The following TRPM2 variants were observed in gnomAD, a reference collection of about 807,000 sequenced individuals.
TRPM2 encodes estrogen-responsive element-associated gene 1 protein.
Under a neutral mutation model 174.0 loss-of-function variants are expected in TRPM2, and 161 were observed. That is an observed-to-expected ratio of 0.93 (90% CI 0.81 to 1.05). The LOEUF (loss-of-function observed/expected upper bound fraction) is 1.05. TRPM2 is among the 50% of genes least tolerant of loss of function. The probability of loss-of-function intolerance (pLI) is 0.00; values close to 1 mark genes in which losing one functional copy is unlikely to be tolerated. For missense variants in TRPM2, 2,057 were observed against 2,038.0 expected (o/e 1.01, Z -0.18); for synonymous variants, 954 against 861.3 (o/e 1.11, Z -1.88).
chr21:44,424,226 C>T (rs1226972730), intron 23 of TRPM2, among the ~76,000 whole-genome samples: 1 of 152,208 alleles, frequency 6.6e-6, no homozygotes, highest in Non-Finnish European at 1.5e-5. Context: ...GCTCAGCCAC[C>T]CTGTGCTGCT....
chr21:44,375,328 C>T (rs183350364), intron 5 of TRPM2, among the ~76,000 whole-genome samples: 95 of 152,382 alleles, frequency 6.2e-4, no homozygotes, highest in Admixed American at 1.8e-3. Context: ...TTCAATGCCA[C>T]TTCCACATTT....
At position 44,398,106 on chromosome 21, in the gene TRPM2, C is replaced by T. The variant is rs894359631; in HGVS notation, c.2062+230C>T. 3.3e-4 allele frequency among the ~76,000 whole-genome samples: 50 copies of T among 152,212 alleles called. 1 individual carries two copies. Among genetic ancestry groups the T allele is most frequent in the South Asian group, 4.1e-4 (2 of 4,828 alleles). Reference sequence around the variant, plus strand: ...AGATAGAGCCCATTTGTTAAGACAGCGAGATTGCAATAGAGAAAGAGTTTA... The same window carrying T: ...AGATAGAGCCCATTTGTTAAGACAGTGAGATTGCAATAGAGAAAGAGTTTA... On this transcript the variant is annotated intron_variant, in intron 13 of 31. Transcript: ENST00000397928.
Position 44,442,133 on chromosome 21 carries a change from T to G in TRPM2, c.*316T>G. The G allele has an allele frequency of 3.7e-6, 1 of 272,686 alleles. No individual in the cohort carries two copies. 16.9% of individuals were successfully genotyped at this position (272,686 alleles called of 1,614,324 possible). On this transcript the variant is annotated 3_prime_UTR_variant, in exon 32 of 32. Transcript: ENST00000397928. ...GGGCCCTTGGCCAGAGTCCACTCCC[T>G]TCCTGGCTGTGTCACCCCGAGCAGC...
At chr21:44,403,147 C>T (rs1177277988) in intron 16 of TRPM2, among the ~76,000 whole-genome samples, 1 of 152,144 alleles carries the variant, frequency 6.6e-6, no homozygotes, top group Non-Finnish European at 1.5e-5. Context: ...CTCCATGCAC[C>T]CCCAGCCCCA....
intron 30 of TRPM2, among the ~76,000 whole-genome samples, chr21:44,440,509 G>T (rs2051460092): frequency 6.6e-6 from 1 of 152,174 alleles, no homozygotes. Context: ...TCCTACAACA[G>T]GTGGCCTTTG....
At chr21:44,420,203 C>G (rs964721477) in intron 22 of TRPM2, among the ~76,000 whole-genome samples, 3 of 152,076 alleles carry the variant, frequency 2.0e-5, no homozygotes, top group African/African-American at 7.2e-5. Flanking sequence ...TCAGGACTTG[C>G]TGTCTCTCTC....
rs761927862 is a variant in TRPM2 at position 44,439,032 on chromosome 21, C to A, written c.4168-35C>A. 6.3e-7 allele frequency: 1 copy of A among 1,578,236 alleles called. No homozygotes were observed. Among genetic ancestry groups the A allele is most frequent in the South Asian group, 1.1e-5 (1 of 90,130 alleles). On this transcript the variant is annotated intron_variant, in intron 29 of 31. Coordinates refer to ENST00000397928, the MANE Select transcript of TRPM2 (RefSeq NM_003307.4). The surrounding 1 kb of genome is among the most constrained non-coding windows in gnomAD (Gnocchi z 5.1). ...GGCAGCCTGAGGTCCCGCTTCGGTGCCCTGTTGACCTGCCTCCGTCCTCTG... is the reference window on the plus strand; with the variant it reads ...GGCAGCCTGAGGTCCCGCTTCGGTGACCTGTTGACCTGCCTCCGTCCTCTG...
chr21:44,432,885 G>A lies in TRPM2; in HGVS notation c.3975-2246G>A, dbSNP rs758982980. 3.0e-4 allele frequency among the ~76,000 whole-genome samples: 45 copies of A among 152,216 alleles called. No homozygotes were observed. Among genetic ancestry groups the A allele is most frequent in the East Asian group, 5.8e-4 (3 of 5,206 alleles). On this transcript the variant is annotated intron_variant, in intron 27 of 31. Transcript: ENST00000397928. This position sits in a 1 kb window ranked among gnomAD's most constrained non-coding sequence, Gnocchi z 4.9. ...GTTTTTGCGCTTTGGGGTTGTGTGC[G>A]TAGGTTTATGGACGGGCCTATGCCT...
In TRPM2 at chr21:44,391,150, G is replaced by C. The variant is rs2049160810; in HGVS notation, c.1441-122G>C. ...CCCTTCCCTTGAGGGTGGGTGACCT[G>C]GGCAGCTTTCATCCTCCCCAGGTTG... On this transcript the variant is annotated intron_variant, in intron 10 of 31. Coordinates refer to ENST00000397928, the MANE Select transcript of TRPM2 (RefSeq NM_003307.4). This position sits in a 1 kb window ranked among gnomAD's most constrained non-coding sequence, Gnocchi z 5.0. The C allele has an allele frequency of 6.4e-7, 1 of 1,552,680 alleles. No homozygotes were observed. Among genetic ancestry groups the C allele is most frequent in the Admixed American group, 1.8e-5 (1 of 55,844 alleles).
rs920402019 is a variant in TRPM2, at chr21:44,354,490, T to C, written c.166-158T>C. Among the ~76,000 whole-genome samples, 5 of 152,170 alleles carry C rather than the reference T, an allele frequency of 3.3e-5. No homozygotes were observed. Among genetic ancestry groups the C allele is most frequent in the South Asian group, 2.1e-4 (1 of 4,822 alleles). On this transcript the variant is annotated intron_variant, in intron 1 of 31. Transcript: ENST00000397928. This position sits in a 1 kb window ranked among gnomAD's most constrained non-coding sequence, Gnocchi z 4.3. ...CTCCTGAATCCCCACCGGAGAGTCT[T>C]GGCAAGGTGCTTCTAATCTTTGGCT...
At chr21:44,414,461 G>T in intron 20 of TRPM2, 1 of 213,404 alleles carries the variant, frequency 4.7e-6, no homozygotes, top group Non-Finnish European at 9.6e-6. Context: ...TCTACCCGGG[G>T]AGCGTGCTGG....
upstream of TRPM2, among the ~76,000 whole-genome samples, chr21:44,350,591 G>A (rs1332007457): frequency 2.2e-5 from 3 of 135,508 alleles, no homozygotes; most frequent in East Asian, 4.4e-4. Context: ...CAGGGGCGCG[G>A]GTGGGGCTCG....
chr21:44,386,671 A>C (rs925130659), intron 9 of TRPM2, among the ~76,000 whole-genome samples: 2 of 152,170 alleles, frequency 1.3e-5, no homozygotes, highest in African/African-American at 4.8e-5. Flanking sequence ...AGTACTACTC[A>C]AAGCAATCTA....
chr21:44,401,870 C>T lies in TRPM2; in HGVS notation c.2511C>T (p.Phe837=), dbSNP rs201934094. The change falls in exon 16 of 32, where the codon TTC becomes TTT. Residue 837 remains phenylalanine, a synonymous_variant. Coordinates refer to ENST00000397928, the MANE Select transcript of TRPM2 (RefSeq NM_003307.4). ...AGTGTGCCATCTACCTCTGGCTCTTCTCCTTGGTGTGCGAGGAGATGCGGC... is the reference window on the plus strand; with the variant it reads ...AGTGTGCCATCTACCTCTGGCTCTTTTCCTTGGTGTGCGAGGAGATGCGGC... ...WCECAIYLWL[F]SLVCEEMRQL... 131 of 1,613,354 alleles carry T rather than the reference C, an allele frequency of 8.1e-5. No homozygotes were observed. The highest frequency in any genetic ancestry group is 1.1e-4 in the Non-Finnish European group (124 of 1,180,000).
intron 22 of TRPM2, 78 bp from the exon 23 acceptor site, chr21:44,423,567 G>A (rs2050628031): frequency 1.6e-6 from 2 of 1,237,516 alleles, no homozygotes; most frequent in East Asian, 2.4e-5. Context: ...CATCTGGCAG[G>A]GCTGTCTGCA....
At chr21:44,435,087 C>T (rs1199182132) in intron 27 of TRPM2, 44 bp from the exon 28 acceptor site, 3 of 1,586,928 alleles carry the variant, frequency 1.9e-6, no homozygotes, top group Non-Finnish European at 8.6e-7. Context: ...GTCCTGCTCC[C>T]CCATTGGTGG....
chr21:44,377,627 C>T, intron 6 of TRPM2, 85 bp from the exon 7 acceptor site: 1 of 1,572,542 alleles, frequency 6.4e-7, no homozygotes, highest in Non-Finnish European at 8.7e-7. Flanking sequence ...CCTCACTCGG[C>T]TCCATGCTTT....
rs947681755 is a variant in TRPM2, at chr21:44,422,492, G to A, written c.3462-1153G>A. Reference sequence around the variant, plus strand: ...GAAAGGAGATGCCCAGGCCTGGAGCGAAATCACTTTCTTCCCTCTCCCTAG... The same window carrying A: ...GAAAGGAGATGCCCAGGCCTGGAGCAAAATCACTTTCTTCCCTCTCCCTAG... On this transcript the variant is annotated intron_variant, in intron 22 of 31. Transcript: ENST00000397928. 7.8e-5 allele frequency: 117 copies of A among 1,498,850 alleles called. 1 individual carries two copies. In the South Asian group the frequency reaches 9.9e-4, roughly 13 times the overall value. The allele number at this position is 1,498,850 out of a possible 1,614,324, so 92.8% of individuals were successfully genotyped here. A position where few individuals can be genotyped will look rare whatever the true frequency, so the allele number is the denominator to read the frequency against.
chr21:44,413,843 G>T, intron 19 of TRPM2, 48 bp from the exon 20 acceptor site: 1 of 1,582,316 alleles, frequency 6.3e-7, no homozygotes, highest in Non-Finnish European at 8.6e-7. Flanking sequence ...AGCTCCTCTT[G>T]ACTCTGTGTT....
Sources: gnomAD v4.1 joint callset for allele counts (sites outside exome capture counted in the v4.1 genomes callset) on GRCh38, gnomAD v4.1.1 for gene constraint, Gnocchi (gnomAD v3.1) non-coding constraint, MANE v1.5 for transcripts, NCBI Gene and HGNC (gene_info 2026-07-23, HGNC 2026-07-21) for gene names.